MYBPC3: variants seen among roughly 807,000 people sequenced by gnomAD.
The protein encoded by MYBPC3 is myosin binding protein C3.
MYBPC3 carries 108 observed loss-of-function variants against 159.3 expected under a neutral mutation model. The ratio of observed to expected loss-of-function variants is 0.68; its 90% CI spans 0.58 to 0.80. The LOEUF is 0.80. MYBPC3 is among the 30% of genes least tolerant of loss of function. The pLI, the probability that MYBPC3 is intolerant of heterozygous loss-of-function variation, is 0.00. For synonymous variants in MYBPC3, 730 were observed against 702.0 expected, an observed-to-expected ratio of 1.04 and a Z score of -0.63; for missense variants, 1,631 against 1,762.1, an observed-to-expected ratio of 0.93 and a Z score of 1.33.
rs1293774054 is a variant in MYBPC3 at position 47,332,258 on chromosome 11, G to A, written c.3628C>T (p.Pro1210Ser). The A allele has an allele frequency of 6.2e-7, 1 of 1,613,626 alleles. No homozygotes were observed. The highest frequency in any genetic ancestry group is 1.3e-5 in the African/African-American group (1 of 74,944). ...CCATTCTTGAACCAGGAAATCTTGG[G>A]CTATAAATAAGGTAAAGAGAGGGAG... The part of the protein sequence containing the change: ...LCCAVRGSPK[P>S]KISWFKNGLD... The change falls in exon 33 of 35, where the codon CCC becomes TCC. Residue 1210 changes from proline to serine, a missense_variant and splice_region_variant. Pro to Ser is a moderately conservative substitution (Grantham distance 74). Transcript: ENST00000545968. The surrounding 1 kb of genome is among the most constrained non-coding windows in gnomAD (Gnocchi z 4.2).
intron 34 of MYBPC3, 33 bp downstream of exon 34, chr11:47,331,810 ACT>A (rs2095876094): frequency 6.3e-7 from 1 of 1,578,570 alleles, no homozygotes. Flanking sequence ...GGGCTCAGCC[ACT>A]GACTTGTGCC....
intron 30 of MYBPC3, 93 bp from the exon 31 acceptor site, chr11:47,333,066 C>G (rs2095878811): frequency 1.3e-6 from 2 of 1,528,434 alleles, no homozygotes; most frequent in East Asian, 2.4e-5. Flanking sequence ...TCCACCCCTA[C>G]TATGGAGGGA....
At chr11:47,340,286 C>T (rs1168010402) in intron 20 of MYBPC3, among the ~76,000 whole-genome samples, 2 of 152,132 alleles carry the variant, frequency 1.3e-5, no homozygotes, top group Non-Finnish European at 2.9e-5. Flanking sequence ...TGCACACACA[C>T]ACACGCGCGC....
At chr11:47,349,954 G>A in intron 4 of MYBPC3, 32 bp from the exon 5 acceptor site, 3 of 1,574,954 alleles carry the variant, frequency 1.9e-6, no homozygotes, top group Non-Finnish European at 2.6e-6. Context: ...GCCCGGCTTG[G>A]GGAGTGTCCT....
At position 47,337,385 on chromosome 11, in the gene MYBPC3, G is replaced by A; in HGVS notation, c.2602+6C>T. ...CGGGGGGCAGGACCAGGCCAGGCAG[G>A]CTCACCGATAGGCATGAAGGGCTGG... On this transcript the variant is annotated splice_donor_region_variant and intron_variant, in intron 25 of 34. Coordinates refer to ENST00000545968, the MANE Select transcript of MYBPC3 (RefSeq NM_000256.3). 6.4e-7 allele frequency: 1 copy of A among 1,574,548 alleles called. No individual in the cohort carries two copies. Among genetic ancestry groups the A allele is most frequent in the East Asian group, 2.3e-5 (1 of 44,368 alleles).
intron 22 of MYBPC3, 133 bp downstream of exon 22, chr11:47,339,191 G>A (rs1391388281): frequency 1.3e-5 from 12 of 942,956 alleles, no homozygotes; most frequent in Non-Finnish European, 1.9e-5. Context: ...GCCCCACAGG[G>A]ACCCTGCTGG....
rs727503173 is a variant in MYBPC3, at chr11:47,333,247, C to A, written c.3277G>T (p.Gly1093Cys). The change falls in exon 30 of 35, where the codon GGC becomes TGC. Residue 1093 changes from glycine (G) to cysteine (C), a missense_variant. Coordinates refer to ENST00000545968, the MANE Select transcript of MYBPC3 (RefSeq NM_000256.3). ...GTGTACCCCCAGAGCTCCGTGTTGC[C>A]GACATCCTGGGGTGGCTTCCACTCC... Reference protein sequence around the residue: ...ALEWKPPQDVGNTELWGYTVQ... With the variant: ...ALEWKPPQDVCNTELWGYTVQ... The A allele has an allele frequency of 5.9e-5, 93 of 1,587,162 alleles. No homozygotes were observed. The highest frequency in any genetic ancestry group is 7.6e-5 in the Non-Finnish European group (89 of 1,166,368).
chr11:47,342,462 C>A, intron 17 of MYBPC3, 116 bp downstream of exon 17: 1 of 1,307,340 alleles, frequency 7.6e-7, no homozygotes, highest in East Asian at 2.5e-5. Flanking sequence ...CTGTCAAAGG[C>A]CCAAGGTCAC....
chr11:47,336,104 G>C, intron 25 of MYBPC3, 93 bp from the exon 26 acceptor site: 1 of 1,234,436 alleles, frequency 8.1e-7, no homozygotes, highest in Non-Finnish European at 1.0e-6. Flanking sequence ...TGGTCACATA[G>C]GGGGCACTTC....
Position 47,346,400 on chromosome 11 carries a change from G to A in MYBPC3, c.927-30C>T, listed in dbSNP as rs1378459318. On this transcript the variant is annotated intron_variant, in intron 11 of 34. Transcript: ENST00000545968. The surrounding 1 kb of genome is among the most constrained non-coding windows in gnomAD (Gnocchi z 5.3). Reference sequence around the variant, plus strand: ...GTCCCGCAGTCTAGGCTGTGGCCGGGGGCAAGACTGCAGCCCCCTGGGCGG... The same window carrying A: ...GTCCCGCAGTCTAGGCTGTGGCCGGAGGCAAGACTGCAGCCCCCTGGGCGG... 1 of 1,528,656 alleles carries A rather than the reference G, an allele frequency of 6.5e-7. No homozygotes were observed. The highest frequency in any genetic ancestry group is 8.8e-7 in the Non-Finnish European group (1 of 1,132,768). The allele number at this position is 1,528,656 out of a possible 1,614,324, so 94.7% of individuals were successfully genotyped here. A position where few individuals can be genotyped will look rare whatever the true frequency, so the allele number is the denominator to read the frequency against.
intron 26 of MYBPC3, 66 bp downstream of exon 26, chr11:47,335,811 T>C: frequency 7.6e-7 from 1 of 1,321,528 alleles, no homozygotes; most frequent in Admixed American, 3.3e-5. Flanking sequence ...TACAGGTGAA[T>C]CTGCTCAATG....
intron 28 of MYBPC3, 56 bp downstream of exon 28, chr11:47,333,866 G>T: frequency 6.4e-7 from 1 of 1,553,418 alleles, no homozygotes; most frequent in South Asian, 1.2e-5. Context: ...CACTGGATGG[G>T]AACAACACAC....
At position 47,343,603 on chromosome 11, in the gene MYBPC3, G is replaced by C. The variant is rs397515887; in HGVS notation, c.1112C>G (p.Pro371Arg). 1 of 1,612,340 alleles carries C rather than the reference G, an allele frequency of 6.2e-7. No homozygotes were observed. Among genetic ancestry groups the C allele is most frequent in the Non-Finnish European group, 8.5e-7 (1 of 1,179,470 alleles). Reference protein sequence around the residue: ...KSTAFQKKLEPAYQVSKGHKI... With the variant: ...KSTAFQKKLERAYQVSKGHKI... Reference sequence around the variant, plus strand: ...GTGGCCTTTGCTCACCTGGTAGGCCGGCTCCAGCTTCTTCTGAAAGGCTGA... The same window carrying C: ...GTGGCCTTTGCTCACCTGGTAGGCCCGCTCCAGCTTCTTCTGAAAGGCTGA... Residue 371 changes from proline (P) to arginine (R), a missense_variant, in exon 13 of 35, where the codon CCG (proline) becomes CGG (arginine). Transcript: ENST00000545968.
Position 47,350,541 on chromosome 11 carries a change from G to T in MYBPC3, c.367C>A (p.Pro123Thr). The T allele has an allele frequency of 6.4e-7, 1 of 1,554,176 alleles. No homozygotes were observed. The highest frequency in any genetic ancestry group is 8.6e-7 in the Non-Finnish European group (1 of 1,156,530). ...ATGAPGEAPA[P>T]AAELGESAPS... ...GCACTTTCTCCCAGCTCAGCGGCTG[G>T]GGCCGGGGCTTCTCCAGGGGCTCCA... Residue 123 changes from proline (P) to threonine (T), a missense_variant, in exon 3 of 35, where the codon CCA (proline) becomes ACA (threonine). Transcript: ENST00000545968.
intron 5 of MYBPC3, among the ~76,000 whole-genome samples, chr11:47,349,268 T>C (rs1422019138): frequency 6.6e-6 from 1 of 152,088 alleles, no homozygotes; most frequent in East Asian, 1.9e-4. Context: ...AGGCTTAAGG[T>C]TCTAGGCCTA....
At position 47,339,333 on chromosome 11, in the gene MYBPC3, A is replaced by G; in HGVS notation, c.2139T>C (p.Phe713=). The G allele has an allele frequency of 2.5e-6, 4 of 1,614,046 alleles. No individual in the cohort carries two copies. Among genetic ancestry groups the G allele is most frequent in the Non-Finnish European group, 3.4e-6 (4 of 1,179,890 alleles). The change falls in exon 22 of 35, where the codon TTT becomes TTC. Residue 713 remains phenylalanine (F), a synonymous_variant. Coordinates refer to ENST00000545968, the MANE Select transcript of MYBPC3 (RefSeq NM_000256.3). Reference sequence around the variant, plus strand: ...CCTCAGTCTCACTCACCTTCTTGTCAAACACCCACTCATCGCTGTCACCTG... The same window carrying G: ...CCTCAGTCTCACTCACCTTCTTGTCGAACACCCACTCATCGCTGTCACCTG... ...EDTGDSDEWV[F]DKKLLCETEG...
At position 47,346,138 on chromosome 11, in the gene MYBPC3, C is replaced by T. The variant is rs2095893783; in HGVS notation, c.1090+69G>A. The T allele has an allele frequency of 6.3e-7, 1 of 1,592,920 alleles. No homozygotes were observed. Among genetic ancestry groups the T allele is most frequent in the East Asian group, 2.2e-5 (1 of 44,512 alleles). On this transcript the variant is annotated intron_variant, in intron 12 of 34. Transcript: ENST00000545968. This position sits in a 1 kb window ranked among gnomAD's most constrained non-coding sequence, Gnocchi z 5.3. ...CCCTGTGGGGAAGGGCTAACCTATGCCCTCTCCTCTCCTGTGTAGGGAAGG... is the reference window on the plus strand; with the variant it reads ...CCCTGTGGGGAAGGGCTAACCTATGTCCTCTCCTCTCCTGTGTAGGGAAGG...
intron 25 of MYBPC3, among the ~76,000 whole-genome samples, chr11:47,336,803 C>T (rs1422107678): frequency 6.6e-6 from 1 of 152,192 alleles, no homozygotes; most frequent in Non-Finnish European, 1.5e-5. Context: ...CCACTCAGAC[C>T]CCATTATACA....
In MYBPC3 at chr11:47,346,080, G is replaced by A. The variant is rs1038104933; in HGVS notation, c.1090+127C>T. 21 of 1,303,984 alleles carry A rather than the reference G, an allele frequency of 1.6e-5. No homozygotes were observed. In the African/African-American group the frequency reaches 2.1e-4, roughly 13 times the overall value. The allele number at this position is 1,303,984 out of a possible 1,614,324, so 80.8% of individuals were successfully genotyped here. ...CTCCGCTCTTTCCATGTATGTGGAC[G>A]AGGTGGGGGGCTAACCTGTGCCCTC... On this transcript the variant is annotated intron_variant, in intron 12 of 34. Coordinates refer to ENST00000545968, the MANE Select transcript of MYBPC3 (RefSeq NM_000256.3). This position sits in a 1 kb window ranked among gnomAD's most constrained non-coding sequence, Gnocchi z 5.3.
Sources: allele counts gnomAD v4.1 joint callset (sites outside exome capture counted in the v4.1 genomes callset), GRCh38; gene constraint gnomAD v4.1.1; non-coding constraint Gnocchi (gnomAD v3.1); transcripts MANE v1.5; gene names NCBI Gene and HGNC (gene_info 2026-07-23, HGNC 2026-07-21).